Variants in CFAP61 observed in about 807,000 individuals in gnomAD.
CFAP61 encodes the protein cilia- and flagella-associated protein 61.
Under a neutral mutation model 135.6 loss-of-function variants are expected in CFAP61, and 107 were observed. The observed-to-expected ratio is 0.79, with a 90% confidence interval of 0.67 to 0.93. The LOEUF is 0.93. CFAP61 is among the 40% of genes least tolerant of loss of function. CFAP61 has a pLI of 0.00. For synonymous variants in CFAP61, 575 were observed against 578.5 expected, an observed-to-expected ratio of 0.99 and a Z score of 0.09; for missense variants, 1,507 against 1,556.2, an observed-to-expected ratio of 0.97 and a Z score of 0.53.
chr20:20,145,137 T>C lies in CFAP61; in HGVS notation c.951+2189T>C, dbSNP rs577827190. ...TAACAAAGTGGGTAAATATATAAGATTTTATCCTTAATATTTATATCTTTT... is the reference window on the plus strand; with the variant it reads ...TAACAAAGTGGGTAAATATATAAGACTTTATCCTTAATATTTATATCTTTT... On this transcript the variant is annotated intron_variant, in intron 9 of 26. Coordinates refer to ENST00000245957, the MANE Select transcript of CFAP61 (RefSeq NM_015585.4). Among the ~76,000 whole-genome samples, 32 of 152,230 alleles carry C rather than the reference T, an allele frequency of 2.1e-4. No homozygotes were observed. In the East Asian group the frequency reaches 5.8e-3, roughly 28 times the overall value.
At chr20:20,345,753 T>A (rs1443516891) in intron 26 of CFAP61, among the ~76,000 whole-genome samples, 1 of 151,942 alleles carries the variant, frequency 6.6e-6, no homozygotes, top group African/African-American at 2.4e-5. Context: ...AAACCCAATC[T>A]CTGCTAAAAA....
At chr20:20,184,084 A>G (rs2055320678) in intron 13 of CFAP61, among the ~76,000 whole-genome samples, 1 of 152,218 alleles carries the variant, frequency 6.6e-6, no homozygotes, top group Admixed American at 6.5e-5. Flanking sequence ...ATTGGGCACC[A>G]CTGTAGGCTA....
chr20:20,097,818 A>T (rs560055474), intron 7 of CFAP61, among the ~76,000 whole-genome samples: 1 of 152,214 alleles, frequency 6.6e-6, no homozygotes, highest in African/African-American at 2.4e-5. Context: ...TCTCCTCCCT[A>T]TCAGACTATC....
intron 2 of CFAP61, among the ~76,000 whole-genome samples, chr20:20,063,788 T>C (rs1042617020): frequency 6.6e-6 from 1 of 152,226 alleles, no homozygotes; most frequent in African/African-American, 2.4e-5. Flanking sequence ...TATTCTCTAC[T>C]TAGCAAATGG....
chr20:20,122,232 C>A (rs73605591), intron 8 of CFAP61, among the ~76,000 whole-genome samples: 14,900 of 151,980 alleles, frequency 0.098, 1,533 homozygotes, highest in East Asian at 0.59. Context: ...TGGCTCACTG[C>A]AACCTCTGCC....
chr20:20,085,199 C>G, intron 6 of CFAP61: 1 of 985,438 alleles, frequency 1.0e-6, no homozygotes, highest in Non-Finnish European at 1.2e-6. Context: ...TTCACAGTGG[C>G]TCTCCTTGCA....
In CFAP61 at chr20:20,135,594, C is replaced by A. The variant is rs192342005; in HGVS notation, c.860-7263C>A. Among the ~76,000 whole-genome samples the A allele has an allele frequency of 1.4e-3, 206 of 152,266 alleles. 1 individual carries two copies. The highest frequency in any genetic ancestry group is 4.3e-3 in the African/African-American group (177 of 41,554). On this transcript the variant is annotated intron_variant, in intron 8 of 26. Coordinates refer to ENST00000245957, the MANE Select transcript of CFAP61 (RefSeq NM_015585.4). ...ATAACCCATTATTTTAAACTGATGA[C>A]AACTTAACACTGATTGCATAAACAA...
At chr20:20,314,511 G>T (rs1277471639) in intron 25 of CFAP61, among the ~76,000 whole-genome samples, 1 of 146,378 alleles carries the variant, frequency 6.8e-6, no homozygotes, top group Non-Finnish European at 1.5e-5. Flanking sequence ...CTTGGTTTTT[G>T]TTTTTTTTTA....
chr20:20,117,365 A>AAAATAAATAAAT (rs61453815), intron 8 of CFAP61, among the ~76,000 whole-genome samples: 3,833 of 151,424 alleles, frequency 0.025, 61 homozygotes, highest in African/African-American at 0.039. Context: ...TAATAAGTTA[A>AAAATAAATAAAT]AAATAAATAA....
intron 2 of CFAP61, among the ~76,000 whole-genome samples, chr20:20,057,121 A>T (rs891078696): frequency 4.4e-5 from 4 of 90,704 alleles, no homozygotes; most frequent in East Asian, 3.6e-4. Context: ...TGTCTCAATT[A>T]AAAAAAAAAA....
chr20:20,224,855 C>A (rs1026671771), intron 17 of CFAP61, among the ~76,000 whole-genome samples: 7 of 152,110 alleles, frequency 4.6e-5, no homozygotes, highest in East Asian at 1.9e-4. Flanking sequence ...CCTGTTTAAT[C>A]TTTGAAATAA....
At chr20:20,280,665 T>C (rs2145051) in intron 22 of CFAP61, among the ~76,000 whole-genome samples, 125,595 of 152,158 alleles carry the variant, frequency 0.83, 52,029 homozygotes, top group Middle Eastern at 0.87. Context: ...TTTGTTTATT[T>C]ATTTGCCTGC....
chr20:20,270,325 G>C (rs757912113), intron 21 of CFAP61, among the ~76,000 whole-genome samples: 1 of 152,032 alleles, frequency 6.6e-6, no homozygotes, highest in African/African-American at 2.4e-5. Flanking sequence ...AGCATTGAGC[G>C]TGACCATGAA....
At chr20:20,147,007 T>C (rs2051945932) in intron 9 of CFAP61, among the ~76,000 whole-genome samples, 1 of 152,230 alleles carries the variant, frequency 6.6e-6, no homozygotes, top group South Asian at 2.1e-4. Flanking sequence ...ATATTTGCTT[T>C]TCCATACCTG....
chr20:20,306,276 G>A (rs886165016), intron 25 of CFAP61, among the ~76,000 whole-genome samples: 11 of 152,196 alleles, frequency 7.2e-5, no homozygotes, highest in Non-Finnish European at 1.5e-5. Context: ...AATGTTCAGA[G>A]AAATGAACAC....
At chr20:20,343,049 A>G (rs1377269846) in intron 26 of CFAP61, among the ~76,000 whole-genome samples, 1 of 152,042 alleles carries the variant, frequency 6.6e-6, no homozygotes, top group Non-Finnish European at 1.5e-5. Flanking sequence ...TTGGAGAGAC[A>G]GGGCACCATA....
At chr20:20,280,865 G>A (rs1035324726) in intron 22 of CFAP61, among the ~76,000 whole-genome samples, 4 of 152,106 alleles carry the variant, frequency 2.6e-5, no homozygotes, top group Non-Finnish European at 4.4e-5. Flanking sequence ...GATACTCCAC[G>A]TTCTTGTCAG....
chr20:20,300,598 G>GT (rs1275064291), intron 25 of CFAP61, among the ~76,000 whole-genome samples: 104 of 148,906 alleles, frequency 7.0e-4, no homozygotes, highest in African/African-American at 2.1e-3. Context: ...GGGTTCTTTT[G>GT]TTTTTTTTGT....
chr20:20,191,516 T>A, intron 15 of CFAP61, 97 bp downstream of exon 15: 1 of 757,824 alleles, frequency 1.3e-6, no homozygotes, highest in Non-Finnish European at 2.2e-6. Flanking sequence ...TTTACTTATT[T>A]AATGTGAATG....
Sources: gnomAD v4.1 joint callset for allele counts (sites outside exome capture counted in the v4.1 genomes callset) on GRCh38, gnomAD v4.1.1 for gene constraint, MANE v1.5 for transcripts, NCBI Gene and HGNC (gene_info 2026-07-23, HGNC 2026-07-21) for gene names.